The following GLIPR1 variants were observed in gnomAD, a reference collection of about 807,000 sequenced individuals.
The protein encoded by GLIPR1 is GLI pathogenesis related 1.
A neutral mutation model predicts 30.3 loss-of-function variants in GLIPR1; 38 were observed. That is an observed-to-expected ratio of 1.26 (90% CI 0.97 to 1.65). GLIPR1 has a LOEUF of 1.65. Ranked by LOEUF, GLIPR1 falls within the 40% of genes most tolerant of loss-of-function variation. The probability of loss-of-function intolerance (pLI) is 0.00; values close to 1 mark genes in which losing one functional copy is unlikely to be tolerated. For synonymous variants in GLIPR1, 122 were observed against 110.6 expected (o/e 1.10, Z -0.65); for missense variants, 285 against 326.5 (o/e 0.87, Z 0.98).
At position 75,498,833 on chromosome 12, in the gene GLIPR1, C is replaced by CTGT. The variant is rs775936218; in HGVS notation, c.660_662dup (p.Val221dup). 1.5e-5 allele frequency: 24 copies of CTGT among 1,612,420 alleles called. No individual in the cohort carries two copies. In the African/African-American group the frequency reaches 3.1e-4, roughly 21 times the overall value. ...TATGTTTGTTTCACAGGTTACTACT[C>CTGT]TGTTGTATATCCAGGCTGGCCCATA... is the stretch of plus-strand genomic sequence containing the variant. On this transcript the variant is annotated inframe_insertion, in exon 6 of 6. Coordinates refer to ENST00000266659, the MANE Select transcript of GLIPR1 (RefSeq NM_006851.3).
chr12:75,486,254 C>T (rs981503821), intron 2 of GLIPR1, among the ~76,000 whole-genome samples: 1 of 151,910 alleles, frequency 6.6e-6, no homozygotes, highest in Non-Finnish European at 1.5e-5. Context: ...AAATGAGTAG[C>T]GCTTATAATT....
chr12:75,494,380 C>T (rs954395024), intron 3 of GLIPR1: 2 of 152,186 alleles, frequency 1.3e-5, no homozygotes, highest in African/African-American at 2.4e-5. Flanking sequence ...GTGACTCTGA[C>T]TTAGCAGTAT....
chr12:75,495,726 T>C (rs2046346504), intron 4 of GLIPR1, 64 bp downstream of exon 4: 1 of 967,820 alleles, frequency 1.0e-6, no homozygotes. Flanking sequence ...TTCTACAGAA[T>C]TAACAATGAA....
chr12:75,481,185 C>T, intron 1 of GLIPR1, 131 bp downstream of exon 1: 1 of 648,290 alleles, frequency 1.5e-6, no homozygotes, highest in South Asian at 2.2e-5. Context: ...AGTAAATTCA[C>T]AGTCTGTGAT....
At chr12:75,483,714 C>T (rs148921745) in intron 2 of GLIPR1, 1 of 152,174 alleles carries the variant, frequency 6.6e-6, no homozygotes, top group Non-Finnish European at 1.5e-5. Context: ...TAAAGCTTCA[C>T]ACTGCTGGAG....
chr12:75,496,044 C>T, intron 4 of GLIPR1: 1 of 153,514 alleles, frequency 6.5e-6, no homozygotes, highest in Non-Finnish European at 1.4e-5. Context: ...TGCTCTGTCA[C>T]CCATGCTAGA....
Position 75,481,009 on chromosome 12 carries a change from G to A in GLIPR1, c.129G>A (p.Lys43=), listed in dbSNP as rs747231228. Residue 43 remains lysine (K), a synonymous_variant, in exon 1 of 6, where the codon AAG becomes AAA. Transcript: ENST00000266659. ...AAGACTGCGTTCGAATCCATAACAAGTTCCGATCAGAGGTGAAACCAACAG... is the reference window on the plus strand; with the variant it reads ...AAGACTGCGTTCGAATCCATAACAAATTCCGATCAGAGGTGAAACCAACAG... The part of the protein sequence containing the change: ...FIKDCVRIHN[K]FRSEVKPTAS... 3 of 1,613,894 alleles carry A rather than the reference G, an allele frequency of 1.9e-6. No homozygotes were observed. The Admixed American group carries it at 5.0e-5, about 27-fold the overall frequency.
chr12:75,499,857 A>C lies in GLIPR1; in HGVS notation c.*879A>C. 1.2e-6 allele frequency: 2 copies of C among 1,608,218 alleles called. No individual in the cohort carries two copies. The highest frequency in any genetic ancestry group is 1.7e-6 in the Non-Finnish European group (2 of 1,177,568). ...TTTCATCTGCCTCCATCTTAAGTGC[A>C]ATTTCTTCAGCTGTAAGAGCTCCCA... On this transcript the variant is annotated 3_prime_UTR_variant, in exon 6 of 6. Transcript: ENST00000266659.
chr12:75,481,300 G>A lies in GLIPR1; in HGVS notation c.174+246G>A, dbSNP rs74108803. 8.6e-3 allele frequency: 2,875 copies of A among 334,942 alleles called. 60 individuals carry two copies. Among genetic ancestry groups the A allele is most frequent in the African/African-American group, 0.055 (2,563 of 46,694 alleles). The allele number at this position is 334,942 out of a possible 1,614,324, so 20.7% of individuals were successfully genotyped here. On this transcript the variant is annotated intron_variant, in intron 1 of 5. Coordinates refer to ENST00000266659, the MANE Select transcript of GLIPR1 (RefSeq NM_006851.3). ...CACTTCCTGTTTTCTGGTTTTCAGTGGATTTTACTTCTCTTTTTGTTATCT... is the reference window on the plus strand; with the variant it reads ...CACTTCCTGTTTTCTGGTTTTCAGTAGATTTTACTTCTCTTTTTGTTATCT...
At position 75,498,808 on chromosome 12, in the gene GLIPR1, T is replaced by C. The variant is rs1203970434; in HGVS notation, c.647-16T>C. On this transcript the variant is annotated splice_polypyrimidine_tract_variant and intron_variant, in intron 5 of 5. Coordinates refer to ENST00000266659, the MANE Select transcript of GLIPR1 (RefSeq NM_006851.3). ...AGGAACAATGTCTAAGAGGATATTCTATGTTTGTTTCACAGGTTACTACTC... is the reference window on the plus strand; with the variant it reads ...AGGAACAATGTCTAAGAGGATATTCCATGTTTGTTTCACAGGTTACTACTC... 1.9e-6 allele frequency: 3 copies of C among 1,612,236 alleles called. No homozygotes were observed. The Admixed American group carries it at 5.0e-5, about 27-fold the overall frequency.
intron 2 of GLIPR1, among the ~76,000 whole-genome samples, chr12:75,486,316 TAAA>T (rs57214608): frequency 6.7e-6 from 1 of 149,398 alleles, no homozygotes; most frequent in Non-Finnish European, 1.5e-5. Context: ...ACCTGCCTGA[TAAA>T]AAAAAAAATT....
chr12:75,497,811 T>G (rs2120570722), intron 4 of GLIPR1: 1 of 152,320 alleles, frequency 6.6e-6, no homozygotes, highest in African/African-American at 2.4e-5. Flanking sequence ...GCTGGGCATA[T>G]TAGTGGTACA....
At chr12:75,488,013 G>A (rs963004645) in intron 2 of GLIPR1, among the ~76,000 whole-genome samples, 10 of 152,130 alleles carry the variant, frequency 6.6e-5, no homozygotes, top group African/African-American at 2.2e-4. Context: ...CACGGCATTT[G>A]TAAACTGTCA....
rs766222607 is a variant in GLIPR1, at chr12:75,499,877, C to G, written c.*899C>G. On this transcript the variant is annotated 3_prime_UTR_variant, in exon 6 of 6. Transcript: ENST00000266659. ...AGTGCAATTTCTTCAGCTGTAAGAGCTCCCAGTTTCTTATTCTTTGCTTTC... is the reference window on the plus strand; with the variant it reads ...AGTGCAATTTCTTCAGCTGTAAGAGGTCCCAGTTTCTTATTCTTTGCTTTC... The G allele has an allele frequency of 2.5e-6, 4 of 1,608,656 alleles. No homozygotes were observed. The African/African-American group carries it at 4.0e-5, about 16-fold the overall frequency.
At position 75,482,094 on chromosome 12, in the gene GLIPR1, T is replaced by C; in HGVS notation, c.420+15T>C. ...ACTACACTCAGGTAAGGATCTGCCC[T>C]ATATTATCTTGAAACTGTCTTTTCA... is the stretch of plus-strand genomic sequence containing the variant. On this transcript the variant is annotated intron_variant, in intron 2 of 5. Transcript: ENST00000266659. 6.2e-7 allele frequency: 1 copy of C among 1,606,530 alleles called. No homozygotes were observed. Among genetic ancestry groups the C allele is most frequent in the Non-Finnish European group, 8.5e-7 (1 of 1,174,616 alleles).
chr12:75,487,683 A>G, intron 2 of GLIPR1: 1 of 444,964 alleles, frequency 2.2e-6, no homozygotes. Context: ...AATCTTGGAG[A>G]AGCTGAGACT....
chr12:75,496,860 T>G (rs2046354795), intron 4 of GLIPR1: 1 of 152,234 alleles, frequency 6.6e-6, no homozygotes, highest in Admixed American at 6.5e-5. Flanking sequence ...ATACTTATCT[T>G]TACATACAGT....
In GLIPR1 at chr12:75,490,513, A is replaced by ACCCCCCCCCCCCCCC; in HGVS notation, c.530_531insCCCCCCCCCCCCCCC (p.Pro177_Gly178insProProProProPro). On this transcript the variant is annotated inframe_insertion, in exon 3 of 6. Transcript: ENST00000266659. Reference sequence around the variant, plus strand: ...GAGCACATTTTATATGCAACTACGGACCAGGGTAAGTGCCTGAATCAACCG... The same window carrying ACCCCCCCCCCCCCCC: ...GAGCACATTTTATATGCAACTACGGACCCCCCCCCCCCCCCCCAGGGTAAGTGCCTGAATCAACCG... The ACCCCCCCCCCCCCCC allele has an allele frequency of 8.9e-7, 1 of 1,121,206 alleles. No homozygotes were observed. The highest frequency in any genetic ancestry group is 1.2e-6 in the Non-Finnish European group (1 of 802,442). 69.5% of individuals were successfully genotyped at this position (1,121,206 alleles called of 1,614,324 possible). A position where few individuals can be genotyped will look rare whatever the true frequency, so the allele number is the denominator to read the frequency against.
chr12:75,485,983 T>C (rs922208206), intron 2 of GLIPR1, among the ~76,000 whole-genome samples: 3 of 151,984 alleles, frequency 2.0e-5, no homozygotes, highest in Admixed American at 2.0e-4. Context: ...AAGGGAGACA[T>C]CTTCCTTCCC....
Sources: allele counts gnomAD v4.1 joint callset (sites outside exome capture counted in the v4.1 genomes callset), GRCh38; gene constraint gnomAD v4.1.1; transcripts MANE v1.5; gene names NCBI Gene and HGNC (gene_info 2026-07-23, HGNC 2026-07-21).